Variants in ATP8A2 observed in about 807,000 individuals in gnomAD.
ATP8A2 encodes phospholipid-transporting ATPase IB.
ATP8A2 carries 100 observed loss-of-function variants against 165.6 expected under a neutral mutation model. The ratio of observed to expected loss-of-function variants is 0.60; its 90% CI spans 0.51 to 0.71. The LOEUF (loss-of-function observed/expected upper bound fraction) is 0.71. Ranked by LOEUF, ATP8A2 falls within the 30% of genes least tolerant of loss-of-function variation. ATP8A2 has a pLI of 0.00. For missense variants in ATP8A2, 1,227 were observed against 1,479.5 expected (o/e 0.83, Z 2.80); for synonymous variants, 543 against 548.8 (o/e 0.99, Z 0.15).
rs748588986 is a variant in ATP8A2, at chr13:25,968,572, C to G, written c.3273-3C>G. ...TTCGTTTTGTCTTTTCCTCATAACA[C>G]AGAGCCAAGCACACCTGCAAAAAGA... On this transcript the variant is annotated splice_region_variant and splice_polypyrimidine_tract_variant and intron_variant, in intron 34 of 36. Transcript: ENST00000381655. The G allele has an allele frequency of 6.2e-7, 1 of 1,612,896 alleles. No individual in the cohort carries two copies. Among genetic ancestry groups the G allele is most frequent in the East Asian group, 2.2e-5 (1 of 44,866 alleles).
At chr13:25,595,024 G>A (rs182412154) in intron 24 of ATP8A2, among the ~76,000 whole-genome samples, 16 of 147,856 alleles carry the variant, frequency 1.1e-4, no homozygotes, top group African/African-American at 3.0e-4. Flanking sequence ...ATGCGTATAT[G>A]TATATGTATA....
chr13:25,410,203 G>A (rs567018497), intron 1 of ATP8A2, among the ~76,000 whole-genome samples: 282 of 152,056 alleles, frequency 1.9e-3, no homozygotes, highest in South Asian at 5.6e-3. Flanking sequence ...TAGACAGTCC[G>A]TAGTGGTTTT....
intron 33 of ATP8A2, among the ~76,000 whole-genome samples, chr13:25,881,772 G>A (rs866089319): frequency 3.3e-5 from 5 of 152,300 alleles, no homozygotes; most frequent in Middle Eastern, 3.4e-3. Flanking sequence ...TGGTCCCCAA[G>A]GCAGCAACAT....
At chr13:25,671,561 T>A (rs910064607) in intron 24 of ATP8A2, among the ~76,000 whole-genome samples, 1 of 152,124 alleles carries the variant, frequency 6.6e-6, no homozygotes, top group Admixed American at 6.5e-5. Context: ...CTGGCCCCCC[T>A]GGGTGTGGTC....
At chr13:25,406,470 A>G (rs976398133) in intron 1 of ATP8A2, among the ~76,000 whole-genome samples, 2 of 152,236 alleles carry the variant, frequency 1.3e-5, no homozygotes, top group Admixed American at 6.5e-5. Context: ...ATGGTAGGTT[A>G]GCTCCCAAGG....
chr13:25,531,185 GTT>G (rs1491178117), intron 4 of ATP8A2, among the ~76,000 whole-genome samples: 1 of 135,944 alleles, frequency 7.4e-6, no homozygotes, highest in Non-Finnish European at 1.5e-5. Context: ...ATATATATAT[GTT>G]ATATATGTTA....
intron 33 of ATP8A2, among the ~76,000 whole-genome samples, chr13:25,898,722 A>G (rs1953643393): frequency 1.3e-5 from 2 of 152,126 alleles, no homozygotes; most frequent in Non-Finnish European, 1.5e-5. Context: ...CTCAAGCCTG[A>G]GCAATGGTGG....
intron 27 of ATP8A2, among the ~76,000 whole-genome samples, chr13:25,823,346 T>C (rs1416047493): frequency 6.6e-6 from 1 of 152,252 alleles, no homozygotes; most frequent in African/African-American, 2.4e-5. Context: ...ATAGTGTCTT[T>C]TTCATGTTCA....
chr13:25,379,054 C>G (rs145006204), intron 1 of ATP8A2, among the ~76,000 whole-genome samples: 3 of 152,096 alleles, frequency 2.0e-5, no homozygotes, highest in Non-Finnish European at 4.4e-5. Context: ...GAGAAATATT[C>G]TTTTCTTTTC....
intron 10 of ATP8A2, among the ~76,000 whole-genome samples, chr13:25,547,429 C>G (rs2038686318): frequency 6.6e-6 from 1 of 152,102 alleles, no homozygotes; most frequent in Non-Finnish European, 1.5e-5. Context: ...CTGTTGTGAA[C>G]TGCGCATACA....
In ATP8A2 at chr13:25,491,566, A is replaced by G. The variant is rs1748584; in HGVS notation, c.221+22445A>G. Among the ~76,000 whole-genome samples the G allele has an allele frequency of 1.4e-3, 207 of 152,318 alleles. 1 individual carries two copies. Among genetic ancestry groups the G allele is most frequent in the African/African-American group, 4.2e-3 (174 of 41,560 alleles). On this transcript the variant is annotated intron_variant, in intron 2 of 36. Transcript: ENST00000381655. The stretch of plus-strand genomic sequence containing the variant: ...AGTAGCTATGAAATAGTGACAGTAC[A>G]GCGTTTATAAACACTAAGAAAGTAG...
intron 21 of ATP8A2, among the ~76,000 whole-genome samples, chr13:25,579,225 G>A (rs915888313): frequency 6.6e-6 from 1 of 152,188 alleles, no homozygotes; most frequent in East Asian, 1.9e-4. Context: ...ATGACTTAAG[G>A]AAATAATAAT....
At chr13:25,531,228 TATATATG>T (rs1261020413) in intron 4 of ATP8A2, among the ~76,000 whole-genome samples, 3 of 100,656 alleles carry the variant, frequency 3.0e-5, no homozygotes, top group African/African-American at 1.3e-4. Flanking sequence ...TGATATATGT[TATATATG>T]ATATATATGT....
At chr13:25,694,709 G>A (rs1359437341) in intron 24 of ATP8A2, among the ~76,000 whole-genome samples, 2 of 152,198 alleles carry the variant, frequency 1.3e-5, no homozygotes, top group Non-Finnish European at 2.9e-5. Flanking sequence ...TTTAGAGACA[G>A]GCTGTTGCTG....
intron 24 of ATP8A2, among the ~76,000 whole-genome samples, chr13:25,681,880 C>CAAACGAAG (rs11280680): frequency 0.037 from 5,686 of 152,150 alleles, 156 homozygotes; most frequent in Non-Finnish European, 0.053. Context: ...TAGTTGAGAA[C>CAAACGAAG]AAACGAAGAC....
At chr13:25,939,778 C>T (rs539090103) in intron 33 of ATP8A2, among the ~76,000 whole-genome samples, 5 of 152,344 alleles carry the variant, frequency 3.3e-5, no homozygotes, top group African/African-American at 4.8e-5. Flanking sequence ...GCCACCATCC[C>T]CACTGAAACT....
chr13:25,535,463 C>T (rs944358433), intron 6 of ATP8A2, among the ~76,000 whole-genome samples: 1 of 152,120 alleles, frequency 6.6e-6, no homozygotes, highest in African/African-American at 2.4e-5. Flanking sequence ...TTTCTGTTCC[C>T]AGTGTACTAA....
At chr13:25,693,475 T>C (rs1396842490) in intron 24 of ATP8A2, among the ~76,000 whole-genome samples, 3 of 151,932 alleles carry the variant, frequency 2.0e-5, no homozygotes, top group Non-Finnish European at 2.9e-5. Flanking sequence ...GGGCTCTTAG[T>C]GGTAGGAAGA....
intron 33 of ATP8A2, among the ~76,000 whole-genome samples, chr13:25,945,760 G>T (rs748955969): frequency 6.6e-6 from 1 of 152,164 alleles, no homozygotes; most frequent in African/African-American, 2.4e-5. Flanking sequence ...TTTCTGCTCC[G>T]GGAAGGCTGC....
Sources: allele counts gnomAD v4.1 joint callset (sites outside exome capture counted in the v4.1 genomes callset), GRCh38; gene constraint gnomAD v4.1.1; transcripts MANE v1.5; gene names NCBI Gene and HGNC (gene_info 2026-07-23, HGNC 2026-07-21).